The following FGF14 variants were observed in gnomAD, a reference collection of about 807,000 sequenced individuals.
FGF14 encodes the protein fibroblast growth factor homologous factor 4.
In FGF14, 5 loss-of-function variants were observed where a neutral mutation model predicts 25.5. The observed-to-expected ratio is 0.20, with a 90% CI of 0.10 to 0.41. The LOEUF is 0.41. Among genes scored for constraint, FGF14 ranks in the 10% least tolerant of loss-of-function variants. The probability of loss-of-function intolerance (pLI) is 1.00; values close to 1 mark genes in which losing one functional copy is unlikely to be tolerated. For missense variants in FGF14, 222 were observed against 320.1 expected, an observed-to-expected ratio of 0.69 and a Z score of 2.34; for synonymous variants, 138 against 118.3, an observed-to-expected ratio of 1.17 and a Z score of -1.08.
intron 3 of FGF14, among the ~76,000 whole-genome samples, chr13:101,833,648 T>C (rs779412178): frequency 2.3e-4 from 35 of 152,088 alleles, no homozygotes; most frequent in Non-Finnish European, 4.7e-4. Context: ...TGTATACATA[T>C]GCATATGTGT....
rs1047165014 is a variant in FGF14, at chr13:102,035,919, C to T, written c.209-160623G>A. Among the ~76,000 whole-genome samples, 17 of 152,072 alleles carry T rather than the reference C, an allele frequency of 1.1e-4. No homozygotes were observed. In the South Asian group the frequency reaches 1.2e-3, roughly 11 times the overall value. On this transcript the variant is annotated intron_variant, in intron 1 of 4. Transcript: ENST00000376131. ...ATGTGTGGAGCACATAAAGGGGACA[C>T]GAGTCAGAAAGGAAGGCCTGGGGAA...
chr13:101,998,344 T>A (rs905304121), intron 1 of FGF14, among the ~76,000 whole-genome samples: 9 of 152,110 alleles, frequency 5.9e-5, no homozygotes, highest in African/African-American at 2.2e-4. Flanking sequence ...CCTTTTTTGA[T>A]GTATGATTTA....
intron 1 of FGF14, among the ~76,000 whole-genome samples, chr13:102,390,356 GA>G (rs1372368406): frequency 6.6e-6 from 1 of 152,166 alleles, no homozygotes; most frequent in Non-Finnish European, 1.5e-5. Context: ...ATCTCACTAA[GA>G]AAGCATTAAA....
At chr13:101,851,286 A>G (rs2043834356) in intron 3 of FGF14, among the ~76,000 whole-genome samples, 1 of 151,998 alleles carries the variant, frequency 6.6e-6, no homozygotes, top group Admixed American at 6.6e-5. Context: ...TGGTGCTTCT[A>G]CCAGTCAAGG....
intron 3 of FGF14, among the ~76,000 whole-genome samples, chr13:101,763,157 G>C (rs536085215): frequency 4.2e-4 from 64 of 151,904 alleles, no homozygotes; most frequent in African/African-American, 1.5e-3. Context: ...AGAATAGAGT[G>C]TGATGAAGTG....
intron 3 of FGF14, among the ~76,000 whole-genome samples, chr13:101,729,503 T>C (rs1200115324): frequency 2.6e-5 from 4 of 152,178 alleles, no homozygotes; most frequent in South Asian, 2.1e-4. Flanking sequence ...GATTCAACCC[T>C]GACCCCACTA....
At chr13:102,396,061 A>G (rs1418064843) in intron 1 of FGF14, among the ~76,000 whole-genome samples, 1 of 152,206 alleles carries the variant, frequency 6.6e-6, no homozygotes, top group African/African-American at 2.4e-5. Flanking sequence ...AGTCTCCCTC[A>G]GAAAACTCCA....
intron 1 of FGF14, among the ~76,000 whole-genome samples, chr13:102,265,701 C>G (rs951746451): frequency 7.2e-5 from 11 of 152,122 alleles, no homozygotes; most frequent in Admixed American, 1.3e-4. Context: ...AGAAGAATCA[C>G]AGCTGGTAAG....
At chr13:101,727,594 A>C (rs1052457340) in intron 3 of FGF14, among the ~76,000 whole-genome samples, 4 of 152,160 alleles carry the variant, frequency 2.6e-5, no homozygotes, top group South Asian at 2.1e-4. Context: ...ACTACTTTAC[A>C]ATTATTATTA....
intron 3 of FGF14, among the ~76,000 whole-genome samples, chr13:101,730,890 T>G (rs984432514): frequency 3.3e-5 from 5 of 152,192 alleles, no homozygotes; most frequent in African/African-American, 1.2e-4. Flanking sequence ...AGCAATGATT[T>G]TTTTAAAAAA....
rs145779872 is a variant in FGF14 at position 101,722,954 on chromosome 13, T to G, written c.621A>C (p.Arg207=). 34 of 1,613,210 alleles carry G rather than the reference T, an allele frequency of 2.1e-5. No homozygotes were observed. Among genetic ancestry groups the G allele is most frequent in the Non-Finnish European group, 2.6e-5 (31 of 1,179,482 alleles). Residue 207 remains arginine (R), a synonymous_variant, in exon 5 of 5, where the codon CGA becomes CGC. Coordinates refer to ENST00000376143, the MANE Select transcript of FGF14 (RefSeq NM_004115.4). ...LPKPLEVAMY[R]EPSLHDVGET... ...CCCCAACATCATGCAAAGATGGTTC[T>G]CGGTACATGGCAACTAGTGATGGGA...
intron 1 of FGF14, among the ~76,000 whole-genome samples, chr13:102,020,954 G>A (rs1330084599): frequency 6.6e-6 from 1 of 151,976 alleles, no homozygotes; most frequent in African/African-American, 2.4e-5. Flanking sequence ...TGGCCTCGCA[G>A]GGAAAAGATA....
At chr13:102,219,387 C>A in intron 1 of FGF14, among the ~76,000 whole-genome samples, 1 of 152,140 alleles carries the variant, frequency 6.6e-6, no homozygotes, top group East Asian at 1.9e-4. Context: ...AGAAGGACTT[C>A]TTCACCCAGG....
intron 3 of FGF14, among the ~76,000 whole-genome samples, chr13:101,796,231 C>T (rs979252776): frequency 2.0e-5 from 3 of 151,938 alleles, no homozygotes; most frequent in Non-Finnish European, 2.9e-5. Flanking sequence ...TACTAAAATT[C>T]ATTTCTTTAA....
At chr13:102,130,039 T>C (rs1055839850) in intron 1 of FGF14, among the ~76,000 whole-genome samples, 2 of 152,170 alleles carry the variant, frequency 1.3e-5, no homozygotes, top group African/African-American at 4.8e-5. Context: ...GTATCTCATA[T>C]TTAAGGTTTT....
chr13:101,996,796 G>A (rs541138473), intron 1 of FGF14, among the ~76,000 whole-genome samples: 3 of 152,268 alleles, frequency 2.0e-5, no homozygotes, highest in Admixed American at 1.3e-4. Context: ...TGACATCAAG[G>A]AAGCTGGTTT....
chr13:101,757,175 T>C (rs2037720850), intron 3 of FGF14, among the ~76,000 whole-genome samples: 1 of 152,174 alleles, frequency 6.6e-6, no homozygotes, highest in South Asian at 2.1e-4. Context: ...ATGTGAACAT[T>C]TGGATTTTCT....
chr13:101,854,028 G>C (rs2043995684), intron 3 of FGF14, among the ~76,000 whole-genome samples: 1 of 152,012 alleles, frequency 6.6e-6, no homozygotes, highest in Non-Finnish European at 1.5e-5. Context: ...AGATAAAAAT[G>C]CTCATTTAAA....
At chr13:101,943,387 C>A (rs754817009) in intron 1 of FGF14, among the ~76,000 whole-genome samples, 24 of 152,200 alleles carry the variant, frequency 1.6e-4, no homozygotes, top group Non-Finnish European at 3.2e-4. Context: ...TGATTGCCAC[C>A]CCCAGGGGTA....
Sources: gnomAD v4.1 joint callset for allele counts (sites outside exome capture counted in the v4.1 genomes callset) on GRCh38, gnomAD v4.1.1 for gene constraint, MANE v1.5 for transcripts, NCBI Gene and HGNC (gene_info 2026-07-23, HGNC 2026-07-21) for gene names.